The following DLGAP1 variants were observed in gnomAD, a reference collection of about 807,000 sequenced individuals.
DLGAP1 encodes the protein DLG associated protein 1.
DLGAP1 carries 11 observed loss-of-function variants against 90.8 expected under a neutral mutation model. The observed-to-expected ratio is 0.12, with a 90% confidence interval of 0.08 to 0.20. The LOEUF (loss-of-function observed/expected upper bound fraction) is 0.20. Ranked by LOEUF, DLGAP1 falls within the 10% of genes least tolerant of loss-of-function variation. The probability of loss-of-function intolerance (pLI) is 1.00; values close to 1 mark genes in which losing one functional copy is unlikely to be tolerated. For missense variants in DLGAP1, 1,050 were observed against 1,333.8 expected (o/e 0.79, Z 3.31); for synonymous variants, 558 against 540.7 (o/e 1.03, Z -0.44).
chr18:3,941,352 C>CA (rs1429821712), intron 3 of DLGAP1, among the ~76,000 whole-genome samples: 1 of 152,126 alleles, frequency 6.6e-6, no homozygotes, highest in Non-Finnish European at 1.5e-5. Flanking sequence ...GGCCTGGCTG[C>CA]AGTTCAGGCT....
intron 9 of DLGAP1, among the ~76,000 whole-genome samples, chr18:3,563,958 C>T (rs1236225048): frequency 6.6e-6 from 1 of 152,114 alleles, no homozygotes; most frequent in Admixed American, 6.5e-5. Flanking sequence ...CTTTTTCATT[C>T]TCCATCTCTC....
chr18:4,316,330 C>G (rs1470697250), intron 1 of DLGAP1, among the ~76,000 whole-genome samples: 2 of 152,174 alleles, frequency 1.3e-5, no homozygotes, highest in Admixed American at 1.3e-4. Flanking sequence ...GGTTGCCATG[C>G]ACAGCCGTAC....
At chr18:4,175,267 G>GT (rs1011278936) in intron 1 of DLGAP1, among the ~76,000 whole-genome samples, 4 of 151,692 alleles carry the variant, frequency 2.6e-5, no homozygotes, top group East Asian at 1.9e-4. Flanking sequence ...TGATGGGGTT[G>GT]TTTTTTTTCT....
At chr18:4,307,807 C>G (rs1481621455) in intron 1 of DLGAP1, among the ~76,000 whole-genome samples, 1 of 150,540 alleles carries the variant, frequency 6.6e-6, no homozygotes, top group African/African-American at 2.4e-5. Flanking sequence ...CCTCCATCTC[C>G]TGGGTTCAAG....
At chr18:4,193,267 G>C (rs1194183847) in intron 1 of DLGAP1, among the ~76,000 whole-genome samples, 1 of 152,226 alleles carries the variant, frequency 6.6e-6, no homozygotes, top group Admixed American at 6.5e-5. Context: ...GCTCTGGCTA[G>C]AATTCATATT....
intron 7 of DLGAP1, among the ~76,000 whole-genome samples, chr18:3,664,213 CACA>C (rs2059795314): frequency 2.0e-5 from 2 of 98,934 alleles, no homozygotes; most frequent in African/African-American, 4.5e-5. Context: ...CACACACACA[CACA>C]CCCACACACA....
At chr18:3,671,496 T>C (rs2060088439) in intron 7 of DLGAP1, among the ~76,000 whole-genome samples, 1 of 152,226 alleles carries the variant, frequency 6.6e-6, no homozygotes, top group South Asian at 2.1e-4. Context: ...AAGGGATTCG[T>C]AGTTCCACCT....
In DLGAP1 at chr18:3,592,478, A is replaced by G. The variant is rs561298445; in HGVS notation, c.1592-10230T>C. Among the ~76,000 whole-genome samples, 90 of 152,336 alleles carry G rather than the reference A, an allele frequency of 5.9e-4. 1 individual carries two copies. The highest frequency in any genetic ancestry group is 2.2e-3 in the African/African-American group (90 of 41,590). On this transcript the variant is annotated intron_variant, in intron 7 of 12. Transcript: ENST00000315677. The stretch of plus-strand genomic sequence containing the variant: ...ATTCAGTCCAGACCCGTGACATGCC[A>G]TTAGATCTTCCTAATCACCAGAGAG...
chr18:4,141,278 G>A (rs891633928), intron 2 of DLGAP1, among the ~76,000 whole-genome samples: 8 of 151,804 alleles, frequency 5.3e-5, no homozygotes, highest in African/African-American at 1.9e-4. Flanking sequence ...TGAAAATAAG[G>A]TTACAGAGAC....
intron 2 of DLGAP1, among the ~76,000 whole-genome samples, chr18:4,142,757 CAT>C (rs1230915082): frequency 3.3e-5 from 5 of 152,130 alleles, no homozygotes; most frequent in Non-Finnish European, 5.9e-5. Flanking sequence ...TATTGGTATT[CAT>C]AAATTTGAGT....
Position 3,879,114 on chromosome 18 carries a change from G to GCA in DLGAP1, c.953_954dup (p.Gln319CysfsTer91). On this transcript the variant is annotated frameshift_variant, in exon 4 of 13. Transcript: ENST00000315677. LOFTEE classifies it high-confidence loss of function. The surrounding 1 kb of genome is among the most constrained non-coding windows in gnomAD (Gnocchi z 6.6). Reference sequence around the variant, plus strand: ...TCCATCATTGACAGAAATGGTACCTGCAGGTACTGGCAGGAGCGTTCTTGC... The same window carrying GCA: ...TCCATCATTGACAGAAATGGTACCTGCACAGGTACTGGCAGGAGCGTTCTTGC... 6.7e-7 allele frequency: 1 copy of GCA among 1,498,394 alleles called. No homozygotes were observed. The highest frequency in any genetic ancestry group is 2.3e-5 in the East Asian group (1 of 42,906). 92.8% of individuals were successfully genotyped at this position (1,498,394 alleles called of 1,614,324 possible). A position where few individuals can be genotyped will look rare whatever the true frequency, so the allele number is the denominator to read the frequency against.
chr18:3,817,830 C>CAG (rs1445106269), intron 4 of DLGAP1, among the ~76,000 whole-genome samples: 2 of 152,094 alleles, frequency 1.3e-5, no homozygotes, highest in Non-Finnish European at 2.9e-5. Context: ...TTCAGCTGCA[C>CAG]AGAGAGAAAA....
intron 1 of DLGAP1, among the ~76,000 whole-genome samples, chr18:4,299,870 C>T (rs751946334): frequency 7.9e-5 from 12 of 152,188 alleles, no homozygotes; most frequent in African/African-American, 1.9e-4. Flanking sequence ...AAAAGTTACA[C>T]GGCACTCTAA....
At chr18:4,080,268 A>C (rs952520992) in intron 2 of DLGAP1, among the ~76,000 whole-genome samples, 8 of 152,224 alleles carry the variant, frequency 5.3e-5, no homozygotes, top group African/African-American at 1.9e-4. Context: ...TCTTAATGAA[A>C]TTTTATCAGT....
At chr18:3,798,004 T>C (rs183309655) in intron 5 of DLGAP1, among the ~76,000 whole-genome samples, 3 of 152,312 alleles carry the variant, frequency 2.0e-5, no homozygotes, top group Non-Finnish European at 4.4e-5. Context: ...TTGCCGCTCT[T>C]GCCTTCTGCC....
At chr18:3,593,018 C>T (rs2056368310) in intron 7 of DLGAP1, among the ~76,000 whole-genome samples, 1 of 152,078 alleles carries the variant, frequency 6.6e-6, no homozygotes, top group Admixed American at 6.6e-5. Context: ...TCAGAGCAGG[C>T]AACGGACATC....
At chr18:4,274,450 C>T (rs1041951105) in intron 1 of DLGAP1, among the ~76,000 whole-genome samples, 13 of 152,020 alleles carry the variant, frequency 8.6e-5, no homozygotes, top group African/African-American at 2.7e-4. Context: ...TTCTGGAAAA[C>T]AGTCCTCTTC....
intron 2 of DLGAP1, among the ~76,000 whole-genome samples, chr18:4,131,236 G>C (rs943422142): frequency 2.0e-5 from 3 of 152,112 alleles, no homozygotes; most frequent in African/African-American, 7.2e-5. Flanking sequence ...GTAAGAGAGA[G>C]AGCAAGAACA....
At chr18:4,075,516 A>G (rs2075510051) in intron 2 of DLGAP1, among the ~76,000 whole-genome samples, 1 of 152,184 alleles carries the variant, frequency 6.6e-6, no homozygotes, top group Non-Finnish European at 1.5e-5. Flanking sequence ...CTACATTTAC[A>G]TAGGAAAAAT....
Sources: allele counts gnomAD v4.1 joint callset (sites outside exome capture counted in the v4.1 genomes callset), GRCh38; gene constraint gnomAD v4.1.1; non-coding constraint Gnocchi (gnomAD v3.1); transcripts MANE v1.5; gene names NCBI Gene and HGNC (gene_info 2026-07-23, HGNC 2026-07-21).